Variants in HMGA2 observed in about 807,000 individuals in gnomAD.
HMGA2 encodes high mobility group AT-hook 2.
A neutral mutation model predicts 19.1 loss-of-function variants in HMGA2; 8 were observed. That is an observed-to-expected ratio of 0.42 (90% confidence interval 0.25 to 0.76). The LOEUF is 0.76. Ranked by LOEUF, HMGA2 falls within the 30% of genes least tolerant of loss-of-function variation. HMGA2 has a pLI of 0.28. For synonymous variants in HMGA2, 60 were observed against 48.8 expected, an observed-to-expected ratio of 1.23 and a Z score of -0.96; for missense variants, 109 against 136.3, an observed-to-expected ratio of 0.80 and a Z score of 1.00.
chr12:65,960,928 G>A (rs1592469890), intron 4 of HMGA2, among the ~76,000 whole-genome samples: 1 of 152,094 alleles, frequency 6.6e-6, no homozygotes, highest in African/African-American at 2.4e-5. Flanking sequence ...CAAAGTTTCT[G>A]GGAATGTTTT....
chr12:65,928,937 T>C (rs1474375245), intron 3 of HMGA2, among the ~76,000 whole-genome samples: 2 of 152,238 alleles, frequency 1.3e-5, no homozygotes, highest in Admixed American at 1.3e-4. Context: ...TATTTATATA[T>C]GTAGTGTACT....
intron 3 of HMGA2, chr12:65,858,307 T>C (rs1871849535): frequency 6.6e-6 from 1 of 152,268 alleles, no homozygotes; most frequent in Non-Finnish European, 1.5e-5. Context: ...GTGACTGATT[T>C]TACAGTTCTC....
chr12:65,875,547 C>A (rs1326313639), intron 3 of HMGA2, among the ~76,000 whole-genome samples: 1 of 143,054 alleles, frequency 7.0e-6, no homozygotes, highest in East Asian at 2.0e-4. Flanking sequence ...CCTCAGCCTC[C>A]CAAGTAGTTG....
At chr12:65,866,262 A>T (rs1872406025) in intron 3 of HMGA2, among the ~76,000 whole-genome samples, 1 of 152,202 alleles carries the variant, frequency 6.6e-6, no homozygotes, top group African/African-American at 2.4e-5. Context: ...CTTACATTCT[A>T]GAGAGGGATT....
chr12:65,868,155 G>A (rs975454413), intron 3 of HMGA2, among the ~76,000 whole-genome samples: 3 of 152,192 alleles, frequency 2.0e-5, no homozygotes, highest in Non-Finnish European at 2.9e-5. Context: ...TCTGTTGAAT[G>A]CCACTGGAAA....
chr12:65,946,780 A>G (rs1412347427), intron 3 of HMGA2, among the ~76,000 whole-genome samples: 1 of 152,178 alleles, frequency 6.6e-6, no homozygotes, highest in Non-Finnish European at 1.5e-5. Context: ...TCTCTACAAA[A>G]TCTTAAAAAT....
intron 3 of HMGA2, among the ~76,000 whole-genome samples, chr12:65,881,055 G>A (rs1484236107): frequency 6.6e-6 from 1 of 152,222 alleles, no homozygotes; most frequent in Admixed American, 6.5e-5. Context: ...TGGCATGTAA[G>A]TTGTAGACAG....
chr12:65,940,779 C>CT, intron 3 of HMGA2, among the ~76,000 whole-genome samples: 1 of 152,164 alleles, frequency 6.6e-6, no homozygotes, highest in Non-Finnish European at 1.5e-5. Flanking sequence ...AAGTCAATTA[C>CT]TGTCTTTTGG....
At chr12:65,854,265 ATG>A (rs751092343) in intron 3 of HMGA2, among the ~76,000 whole-genome samples, 5 of 152,222 alleles carry the variant, frequency 3.3e-5, no homozygotes, top group African/African-American at 4.8e-5. Flanking sequence ...TTACACATTT[ATG>A]TTTTTCAAAA....
intron 4 of HMGA2, chr12:65,955,405 C>G (rs956158183): frequency 5.9e-5 from 9 of 152,134 alleles, no homozygotes; most frequent in African/African-American, 2.2e-4. Context: ...GTCTCTCCAA[C>G]TGAGATGTCT....
rs1565697478 is a variant in HMGA2, at chr12:65,824,723, CTCTCT to C, written c.-547_-543del. 2.3e-5 allele frequency: 3 copies of C among 127,972 alleles called. No homozygotes were observed. Among genetic ancestry groups the C allele is most frequent in the African/African-American group, 3.8e-5 (1 of 26,106 alleles). The allele number at this position is 127,972 out of a possible 1,614,324, so 7.9% of individuals were successfully genotyped here. ...TTCAATCTCAATCTCTTCTCTCTCT[CTCTCT>C]CTCTCTCTCTCTCTCTCTCTCTCTC... On this transcript the variant is annotated 5_prime_UTR_variant, in exon 1 of 5. Coordinates refer to ENST00000403681, the MANE Select transcript of HMGA2 (RefSeq NM_003483.6).
At chr12:65,934,762 A>C (rs1266908376) in intron 3 of HMGA2, 1 of 152,196 alleles carries the variant, frequency 6.6e-6, no homozygotes, top group Admixed American at 6.5e-5. Context: ...GGCATTCTTC[A>C]TGCTGCTGGC....
At chr12:65,923,101 T>C (rs1289831063) in intron 3 of HMGA2, among the ~76,000 whole-genome samples, 1 of 152,102 alleles carries the variant, frequency 6.6e-6, no homozygotes, top group Non-Finnish European at 1.5e-5. Context: ...ATTTCCCTAG[T>C]TTCTTCAATT....
At chr12:65,948,709 C>T (rs1876351770) in intron 3 of HMGA2, among the ~76,000 whole-genome samples, 1 of 152,198 alleles carries the variant, frequency 6.6e-6, no homozygotes, top group Admixed American at 6.5e-5. Flanking sequence ...GTATGAAGTG[C>T]TGTGTCTGAG....
rs559643342 is a variant in HMGA2 at position 65,892,354 on chromosome 12, C to T, written c.249+53785C>T. Among the ~76,000 whole-genome samples, 52 of 152,236 alleles carry T rather than the reference C, an allele frequency of 3.4e-4. No homozygotes were observed. In the South Asian group the frequency reaches 7.9e-3, roughly 23 times the overall value. On this transcript the variant is annotated intron_variant, in intron 3 of 4. Transcript: ENST00000403681. ...TATTGAACTTGGCCTGCCAGCACCACGAGAGTCGTCCCAACTGTGATTTTA... is the reference window on the plus strand; with the variant it reads ...TATTGAACTTGGCCTGCCAGCACCATGAGAGTCGTCCCAACTGTGATTTTA...
intron 3 of HMGA2, among the ~76,000 whole-genome samples, chr12:65,846,594 G>A (rs1291025425): frequency 6.6e-6 from 1 of 152,228 alleles, no homozygotes; most frequent in Non-Finnish European, 1.5e-5. Flanking sequence ...GCATGTACAG[G>A]ACAGAGATAG....
At chr12:65,924,667 G>A (rs1875441359) in intron 3 of HMGA2, among the ~76,000 whole-genome samples, 1 of 152,094 alleles carries the variant, frequency 6.6e-6, no homozygotes, top group Admixed American at 6.5e-5. Flanking sequence ...GCGTTGTGGG[G>A]CGTGCCTGTA....
chr12:65,946,824 C>T (rs1244981356), intron 3 of HMGA2, among the ~76,000 whole-genome samples: 1 of 152,158 alleles, frequency 6.6e-6, no homozygotes, highest in African/African-American at 2.4e-5. Flanking sequence ...AATTCAGTAA[C>T]TTTTTTTCTT....
intron 3 of HMGA2, among the ~76,000 whole-genome samples, chr12:65,878,165 G>C (rs993316250): frequency 6.6e-6 from 1 of 152,138 alleles, no homozygotes; most frequent in African/African-American, 2.4e-5. Context: ...TTTTGAACTG[G>C]AGCCATAGAA....
Sources: gnomAD v4.1 joint callset for allele counts (sites outside exome capture counted in the v4.1 genomes callset) on GRCh38, gnomAD v4.1.1 for gene constraint, MANE v1.5 for transcripts, NCBI Gene and HGNC (gene_info 2026-07-23, HGNC 2026-07-21) for gene names.